MACROH2A2: variants seen among roughly 807,000 people sequenced by gnomAD.
MACROH2A2 encodes the protein macroH2A.2 histone, also known as core histone macro-H2A.2.
In MACROH2A2, 6 loss-of-function variants were observed where a neutral mutation model predicts 37.6. The observed-to-expected ratio is 0.16, with a 90% confidence interval of 0.09 to 0.32. The LOEUF (loss-of-function observed/expected upper bound fraction) is 0.32, where lower values mean the gene tolerates loss of function less well. MACROH2A2 is among the 10% of genes least tolerant of loss of function. The pLI is 1.00. For synonymous variants in MACROH2A2, 192 were observed against 202.7 expected, an observed-to-expected ratio of 0.95 and a Z score of 0.45; for missense variants, 290 against 485.9, an observed-to-expected ratio of 0.60 and a Z score of 3.79.
At chr10:70,083,028 T>TG (rs1269346178) in intron 2 of MACROH2A2, among the ~76,000 whole-genome samples, 1 of 151,760 alleles carries the variant, frequency 6.6e-6, no homozygotes, top group Non-Finnish European at 1.5e-5. Flanking sequence ...GAAGAGTTGT[T>TG]GGGCCTCACC....
intron 2 of MACROH2A2, among the ~76,000 whole-genome samples, chr10:70,088,799 G>T (rs960744356): frequency 6.6e-6 from 1 of 152,172 alleles, no homozygotes; most frequent in Non-Finnish European, 1.5e-5. Context: ...CTAGGGCATT[G>T]AGCAAAGAGG....
At chr10:70,084,085 A>G (rs1478874033) in intron 2 of MACROH2A2, among the ~76,000 whole-genome samples, 1 of 152,166 alleles carries the variant, frequency 6.6e-6, no homozygotes, top group Non-Finnish European at 1.5e-5. Context: ...AATAGGGCTG[A>G]ATTTCAGGAC....
intron 5 of MACROH2A2, among the ~76,000 whole-genome samples, chr10:70,094,605 T>C (rs960690530): frequency 5.3e-5 from 8 of 152,242 alleles, no homozygotes; most frequent in African/African-American, 1.9e-4. Flanking sequence ...GTGTGGCTGG[T>C]TGCTAATTCG....
intron 1 of MACROH2A2, among the ~76,000 whole-genome samples, chr10:70,071,216 G>A (rs1372060746): frequency 6.6e-6 from 1 of 152,140 alleles, no homozygotes; most frequent in African/African-American, 2.4e-5. Flanking sequence ...CACAGAGCAC[G>A]TCCACCCTGT....
chr10:70,064,228 G>A (rs2072066175), intron 1 of MACROH2A2, among the ~76,000 whole-genome samples: 1 of 152,092 alleles, frequency 6.6e-6, no homozygotes, highest in South Asian at 2.1e-4. Flanking sequence ...AATTAGCCAG[G>A]TGTGGTGGAA....
intron 2 of MACROH2A2, among the ~76,000 whole-genome samples, chr10:70,088,272 C>T (rs1429081042): frequency 3.3e-5 from 5 of 152,082 alleles, no homozygotes; most frequent in Non-Finnish European, 7.4e-5. Context: ...ACACACAGTA[C>T]ATTCACGCAC....
chr10:70,060,002 G>T (rs2072041845), intron 1 of MACROH2A2, among the ~76,000 whole-genome samples: 1 of 152,168 alleles, frequency 6.6e-6, no homozygotes, highest in African/African-American at 2.4e-5. Flanking sequence ...AACACTGCCT[G>T]TCAAGAGCAC....
At chr10:70,096,861 GACA>G (rs2072279395) in intron 6 of MACROH2A2, among the ~76,000 whole-genome samples, 1 of 152,080 alleles carries the variant, frequency 6.6e-6, no homozygotes, top group African/African-American at 2.4e-5. Context: ...AAGGAGATAG[GACA>G]GCCCTGGGAA....
At chr10:70,110,537 G>A (rs1451963406) in intron 8 of MACROH2A2, among the ~76,000 whole-genome samples, 1 of 152,162 alleles carries the variant, frequency 6.6e-6, no homozygotes, top group Non-Finnish European at 1.5e-5. Flanking sequence ...TATTTTTAAT[G>A]CTGAATGGCT....
At chr10:70,088,958 G>T (rs931898396) in intron 2 of MACROH2A2, among the ~76,000 whole-genome samples, 2 of 152,152 alleles carry the variant, frequency 1.3e-5, no homozygotes, top group African/African-American at 4.8e-5. Flanking sequence ...ACAAAAATTA[G>T]CCAGGTGTGG....
chr10:70,078,187 T>C (rs2072152324), intron 2 of MACROH2A2, among the ~76,000 whole-genome samples: 1 of 152,218 alleles, frequency 6.6e-6, no homozygotes, highest in Non-Finnish European at 1.5e-5. Context: ...TGTTCGTTCA[T>C]CCATTCAAAG....
chr10:70,098,276 AAG>A (rs563531787), intron 6 of MACROH2A2: 5 of 137,564 alleles, frequency 3.6e-5, no homozygotes, highest in African/African-American at 2.6e-5. Context: ...AAGAAAGAAA[AAG>A]AGAGAGAGAG....
intron 7 of MACROH2A2, among the ~76,000 whole-genome samples, chr10:70,104,494 T>C (rs1210485842): frequency 2.0e-5 from 3 of 151,916 alleles, no homozygotes; most frequent in Non-Finnish European, 2.9e-5. Flanking sequence ...CTGACCAACA[T>C]GGAGAAACCC....
intron 8 of MACROH2A2, among the ~76,000 whole-genome samples, chr10:70,110,437 A>G (rs2072364089): frequency 6.6e-6 from 1 of 152,238 alleles, no homozygotes; most frequent in African/African-American, 2.4e-5. Context: ...TGGAGCATAC[A>G]TTTTTGCCCT....
intron 3 of MACROH2A2, 26 bp from the exon 4 acceptor site, chr10:70,091,731 A>G: frequency 3.9e-6 from 6 of 1,552,224 alleles, no homozygotes; most frequent in Non-Finnish European, 5.3e-6. Flanking sequence ...TGTTTGCTAC[A>G]TGAGCGCATG....
intron 1 of MACROH2A2, among the ~76,000 whole-genome samples, chr10:70,074,830 TA>T (rs1346863161): frequency 1.3e-5 from 2 of 152,236 alleles, no homozygotes; most frequent in African/African-American, 4.8e-5. Context: ...TGTTTCTTTA[TA>T]AATTACCCAG....
intron 2 of MACROH2A2, among the ~76,000 whole-genome samples, chr10:70,079,328 G>GAATC (rs2072159022): frequency 6.6e-6 from 1 of 151,924 alleles, no homozygotes; most frequent in Non-Finnish European, 1.5e-5. Context: ...GGGCAGCCAG[G>GAATC]TGGGGAAGGG....
chr10:70,079,770 A>T (rs1589834703), intron 2 of MACROH2A2, among the ~76,000 whole-genome samples: 1 of 152,150 alleles, frequency 6.6e-6, no homozygotes, highest in Non-Finnish European at 1.5e-5. Context: ...AAGGGTGCAC[A>T]GTGGGGATGG....
At chr10:70,081,714 G>T (rs1017870099) in intron 2 of MACROH2A2, among the ~76,000 whole-genome samples, 4 of 152,108 alleles carry the variant, frequency 2.6e-5, no homozygotes, top group Admixed American at 2.6e-4. Flanking sequence ...GGAGACAGAG[G>T]GGGTGGGGAC....
Sources: allele counts gnomAD v4.1 joint callset (sites outside exome capture counted in the v4.1 genomes callset), GRCh38; gene constraint gnomAD v4.1.1; transcripts MANE v1.5; gene names NCBI Gene and HGNC (gene_info 2026-07-23, HGNC 2026-07-21).